Variants in ZNF131 observed in about 807,000 individuals in gnomAD.
The protein encoded by ZNF131 is zinc finger and BTB domain containing 35.
Under a neutral mutation model 60.0 loss-of-function variants are expected in ZNF131, and 7 were observed. That is an observed-to-expected ratio of 0.12 (90% CI 0.07 to 0.22). The LOEUF (loss-of-function observed/expected upper bound fraction) is 0.22, where lower values mean the gene tolerates loss of function less well. Among genes scored for constraint, ZNF131 ranks in the 10% least tolerant of loss-of-function variants. ZNF131 has a pLI of 1.00. For synonymous variants in ZNF131, 257 were observed against 253.2 expected, an observed-to-expected ratio of 1.01 and a Z score of -0.14; for missense variants, 493 against 740.9, an observed-to-expected ratio of 0.67 and a Z score of 3.88.
At chr5:43,151,846 G>A (rs765432492) in intron 4 of ZNF131, among the ~76,000 whole-genome samples, 2 of 152,080 alleles carry the variant, frequency 1.3e-5, no homozygotes, top group Non-Finnish European at 2.9e-5. Context: ...GCAATTGTTC[G>A]TGCCTCCAAA....
intron 5 of ZNF131, among the ~76,000 whole-genome samples, chr5:43,169,110 C>T (rs183086103): frequency 3.9e-5 from 6 of 152,234 alleles, no homozygotes; most frequent in African/African-American, 1.4e-4. Flanking sequence ...AATGTGTGTC[C>T]AGAAATCAGA....
At chr5:43,126,671 GA>G (rs760881193) in intron 3 of ZNF131, among the ~76,000 whole-genome samples, 1 of 151,920 alleles carries the variant, frequency 6.6e-6, no homozygotes, top group African/African-American at 2.4e-5. Flanking sequence ...AAAAGTTAGA[GA>G]AAAAAATAAA....
chr5:43,137,210 G>A (rs1390512023), intron 3 of ZNF131, among the ~76,000 whole-genome samples: 1 of 152,060 alleles, frequency 6.6e-6, no homozygotes, highest in African/African-American at 2.4e-5. Context: ...AGACAGGTGG[G>A]ACTACATCAA....
At chr5:43,149,085 G>A (rs1360019353) in intron 4 of ZNF131, among the ~76,000 whole-genome samples, 2 of 152,182 alleles carry the variant, frequency 1.3e-5, no homozygotes, top group East Asian at 3.8e-4. Context: ...TTCAAGACCA[G>A]CCTGGCCAAC....
intron 3 of ZNF131, among the ~76,000 whole-genome samples, chr5:43,134,649 G>GAATCA (rs1745796168): frequency 6.8e-6 from 1 of 147,522 alleles, no homozygotes; most frequent in Admixed American, 6.9e-5. Context: ...TAAAGTTGCA[G>GAATCA]GATACAAAAT....
intron 4 of ZNF131, among the ~76,000 whole-genome samples, chr5:43,157,782 C>G (rs923869283): frequency 6.6e-6 from 1 of 152,176 alleles, no homozygotes; most frequent in African/African-American, 2.4e-5. Context: ...AGGGGAGCAT[C>G]GTTTTTGCCT....
chr5:43,160,839 G>A (rs939617714), intron 4 of ZNF131, among the ~76,000 whole-genome samples: 1 of 151,874 alleles, frequency 6.6e-6, no homozygotes, highest in Non-Finnish European at 1.5e-5. Context: ...ATGCCACCAT[G>A]CCCAGCTAAT....
intron 3 of ZNF131, among the ~76,000 whole-genome samples, chr5:43,134,371 A>G (rs1479369972): frequency 1.3e-5 from 2 of 152,224 alleles, no homozygotes; most frequent in Non-Finnish European, 1.5e-5. Flanking sequence ...GAAGGAAATT[A>G]TCTCAACATA....
At chr5:43,125,604 A>G (rs1744437048) in intron 3 of ZNF131, among the ~76,000 whole-genome samples, 2 of 151,894 alleles carry the variant, frequency 1.3e-5, no homozygotes, top group African/African-American at 4.8e-5. Context: ...AACATGGTGA[A>G]ACCCTGTCTC....
chr5:43,166,404 A>G (rs927417100), intron 5 of ZNF131, among the ~76,000 whole-genome samples: 6 of 150,690 alleles, frequency 4.0e-5, no homozygotes, highest in Non-Finnish European at 5.9e-5. Flanking sequence ...TCTGTCGCCC[A>G]GGCTGGAGTG....
chr5:43,142,749 T>C, intron 4 of ZNF131, among the ~76,000 whole-genome samples: 1 of 151,288 alleles, frequency 6.6e-6, no homozygotes. Flanking sequence ...TGGAGTGCAG[T>C]GGCACAATCT....
chr5:43,173,117 G>A, intron 5 of ZNF131: 3 of 467,066 alleles, frequency 6.4e-6, no homozygotes, highest in Non-Finnish European at 1.1e-5. Context: ...CATATATACA[G>A]TTAAATATTA....
At position 43,166,891 on chromosome 5, in the gene ZNF131, C is replaced by T. The variant is rs374403148; in HGVS notation, c.1054+4960C>T. 2.6e-5 allele frequency among the ~76,000 whole-genome samples: 4 copies of T among 152,236 alleles called. No homozygotes were observed. The East Asian group carries it at 7.7e-4, about 29-fold the overall frequency. ...GCCAGGCTGGTCTTGAACTCCTGAG[C>T]TCGTGATCCACCCGCCTCAGCCTCC... On this transcript the variant is annotated intron_variant, in intron 5 of 6. Transcript: ENST00000682664.
intron 4 of ZNF131, among the ~76,000 whole-genome samples, chr5:43,145,980 G>A (rs1481338957): frequency 3.3e-5 from 5 of 152,164 alleles, no homozygotes; most frequent in Non-Finnish European, 7.3e-5. Flanking sequence ...CCAAAGTGGG[G>A]TATTAATTTC....
At chr5:43,130,160 A>C (rs1745112668) in intron 3 of ZNF131, among the ~76,000 whole-genome samples, 1 of 149,350 alleles carries the variant, frequency 6.7e-6, no homozygotes. Flanking sequence ...GCTACTGGGG[A>C]GGCTGAGGCA....
intron 4 of ZNF131, among the ~76,000 whole-genome samples, chr5:43,142,480 A>AT (rs1450574997): frequency 6.6e-6 from 1 of 150,902 alleles, no homozygotes; most frequent in Non-Finnish European, 1.5e-5. Context: ...ATTTTTTTGT[A>AT]TTTTTAATAG....
intron 2 of ZNF131, among the ~76,000 whole-genome samples, chr5:43,122,963 G>C (rs1321163072): frequency 6.6e-6 from 1 of 152,138 alleles, no homozygotes; most frequent in Admixed American, 6.6e-5. Context: ...TCCTTACCTA[G>C]TGTTGTAAAT....
At chr5:43,135,974 G>T (rs1278089721) in intron 3 of ZNF131, among the ~76,000 whole-genome samples, 1 of 152,052 alleles carries the variant, frequency 6.6e-6, no homozygotes, top group East Asian at 1.9e-4. Flanking sequence ...AATTAGGTGG[G>T]TATGGTGGTG....
chr5:43,130,853 A>G (rs1561392276), intron 3 of ZNF131, among the ~76,000 whole-genome samples: 1 of 149,962 alleles, frequency 6.7e-6, no homozygotes, highest in Non-Finnish European at 1.5e-5. Flanking sequence ...GGCATGAGCC[A>G]CCACGCCCGG....
Sources: allele counts gnomAD v4.1 joint callset (sites outside exome capture counted in the v4.1 genomes callset), GRCh38; gene constraint gnomAD v4.1.1; transcripts MANE v1.5; gene names NCBI Gene and HGNC (gene_info 2026-07-23, HGNC 2026-07-21).